The following FGF13 variants were observed in gnomAD, a reference collection of about 807,000 sequenced individuals.
FGF13 encodes the protein fibroblast growth factor homologous factor 2.
Under a neutral mutation model 19.5 loss-of-function variants are expected in FGF13, and 2 were observed. The observed-to-expected ratio is 0.10, with a 90% CI of 0.04 to 0.32. The LOEUF is 0.32. Among genes scored for constraint, FGF13 ranks in the 10% least tolerant of loss-of-function variants. FGF13 has a pLI of 1.00. For missense variants in FGF13, 113 were observed against 192.7 expected, an observed-to-expected ratio of 0.59 and a Z score of 2.45; for synonymous variants, 72 against 76.9, an observed-to-expected ratio of 0.94 and a Z score of 0.33.
chrX:138,772,370 T>A (rs1202065762), intron 3 of FGF13, among the ~76,000 whole-genome samples: 1 of 108,640 alleles, frequency 9.2e-6, no homozygotes, highest in African/African-American at 3.3e-5. Flanking sequence ...GACTGTTATG[T>A]GCTTATGTGT....
At chrX:138,769,673 A>G (rs2090531017) in intron 3 of FGF13, among the ~76,000 whole-genome samples, 1 of 111,975 alleles carries the variant, frequency 8.9e-6, no homozygotes, top group Admixed American at 9.5e-5. Flanking sequence ...GAAAGTGAAT[A>G]TTTTTCTGAT....
intron 1 of FGF13, among the ~76,000 whole-genome samples, chrX:139,035,442 T>C (rs1035633744): frequency 1.8e-5 from 2 of 111,677 alleles, no homozygotes; most frequent in African/African-American, 6.5e-5. Context: ...ATATCTAATA[T>C]GCAGCTATGG....
chrX:138,949,503 C>A (rs1205045934), intron 1 of FGF13, among the ~76,000 whole-genome samples: 2 of 111,298 alleles, frequency 1.8e-5, no homozygotes, highest in African/African-American at 6.5e-5. Context: ...CTTATATAAT[C>A]CAGTCATTGG....
intron 1 of FGF13, among the ~76,000 whole-genome samples, chrX:139,120,125 C>A (rs2083667430): frequency 8.9e-6 from 1 of 112,443 alleles, no homozygotes. Context: ...TAAGACATGC[C>A]TTGCTTCCCC....
At chrX:138,946,946 C>A (rs182224134) in intron 1 of FGF13, among the ~76,000 whole-genome samples, 225 of 112,231 alleles carry the variant, frequency 2.0e-3, no homozygotes, top group African/African-American at 7.0e-3. Flanking sequence ...TAGACCATTT[C>A]AGTACTGTAA....
At chrX:138,735,543 G>A (rs2090267896) in intron 1 of FGF13, among the ~76,000 whole-genome samples, 1 of 112,157 alleles carries the variant, frequency 8.9e-6, no homozygotes, top group South Asian at 3.7e-4. Flanking sequence ...GGCCATGCCA[G>A]TTATTCATGG....
intron 1 of FGF13, among the ~76,000 whole-genome samples, chrX:138,722,790 C>T (rs758507685): frequency 1.2e-4 from 13 of 111,497 alleles, no homozygotes; most frequent in Middle Eastern, 4.6e-3. Flanking sequence ...ACCTTTCCCA[C>T]TCTGTAGTTT....
rs1210359234 is a variant in FGF13, at chrX:138,623,313, T to G, written c.*9537A>C. ...GAATGGTATGAGAATAATGCTGGCT[T>G]CATAAAATGAGTTTGGAAGTGCTCC... is the stretch of plus-strand genomic sequence containing the variant. On this transcript the variant is annotated 3_prime_UTR_variant, in exon 5 of 5. Transcript: ENST00000315930. 9.0e-6 allele frequency: 1 copy of G among 111,578 alleles called. No individual in the cohort carries two copies. The highest frequency in any genetic ancestry group is 1.9e-5 in the Non-Finnish European group (1 of 53,154). The allele number at this position is 111,578 out of a possible 1,213,427, so 9.2% of individuals were successfully genotyped here.
chrX:138,953,443 G>A (rs1318864068), intron 1 of FGF13, among the ~76,000 whole-genome samples: 1 of 110,648 alleles, frequency 9.0e-6, no homozygotes, highest in Non-Finnish European at 1.9e-5. Flanking sequence ...TGGGTGGAGG[G>A]GGGAGGGATA....
intron 3 of FGF13, among the ~76,000 whole-genome samples, chrX:138,643,787 G>A (rs911228918): frequency 3.6e-5 from 4 of 111,636 alleles, no homozygotes; most frequent in African/African-American, 1.3e-4. Context: ...TGCTTATTAT[G>A]TGTATTAATT....
chrX:138,940,301 T>G lies in FGF13; in HGVS notation c.-112-75651A>C, dbSNP rs553154196. Among the ~76,000 whole-genome samples the G allele has an allele frequency of 2.7e-5, 3 of 112,040 alleles. No homozygotes were observed. In the East Asian group the frequency reaches 8.4e-4, roughly 32 times the overall value. ...TCATTTTGTTTTTCTTGTAAATTTG[T>G]TTAAGTTACTTATAGATTCTGGATA... is the stretch of plus-strand genomic sequence containing the variant. On this transcript the variant is annotated intron_variant, in intron 1 of 2. Transcript: ENST00000421460.
At chrX:138,807,453 T>C (rs929340888) in intron 3 of FGF13, among the ~76,000 whole-genome samples, 49 of 111,021 alleles carry the variant, frequency 4.4e-4, no homozygotes, top group African/African-American at 1.4e-3. Flanking sequence ...GCACTAAACA[T>C]GGAAAGGAAC....
intron 1 of FGF13, among the ~76,000 whole-genome samples, chrX:138,949,449 C>T (rs756573260): frequency 4.5e-5 from 5 of 111,473 alleles, no homozygotes; most frequent in Non-Finnish European, 9.4e-5. Context: ...GCCTTCTCAC[C>T]TGTGTGCCCG....
rs191997161 is a variant in FGF13, at chrX:138,618,771, G to A, written c.*14079C>T. Reference sequence around the variant, plus strand: ...AAACTTGAGCACTTCAGGGCACCACGTTAGAGAAAACAAATGGGAAACTCT... The same window carrying A: ...AAACTTGAGCACTTCAGGGCACCACATTAGAGAAAACAAATGGGAAACTCT... On this transcript the variant is annotated 3_prime_UTR_variant, in exon 5 of 5. Transcript: ENST00000315930. 6 of 111,776 alleles carry A rather than the reference G, an allele frequency of 5.4e-5. No individual in the cohort carries two copies. Among genetic ancestry groups the A allele is most frequent in the African/African-American group, 2.0e-4 (6 of 30,707 alleles). The allele number at this position is 111,776 out of a possible 1,213,427, so 9.2% of individuals were successfully genotyped here.
intron 1 of FGF13, among the ~76,000 whole-genome samples, chrX:138,890,543 T>A (rs2091471851): frequency 8.9e-6 from 1 of 111,941 alleles, no homozygotes; most frequent in Non-Finnish European, 1.9e-5. Context: ...AATTCACTTA[T>A]TCCCCATAAT....
chrX:138,635,695 G>A (rs1232900644), intron 3 of FGF13, 40 bp from the exon 4 acceptor site: 2 of 1,062,784 alleles, frequency 1.9e-6, no homozygotes, highest in African/African-American at 3.7e-5. Context: ...AGTGTTTATA[G>A]CTATGAATTT....
chrX:139,204,984 C>T (rs185138825), upstream of FGF13: 4,868 of 112,266 alleles, frequency 0.043, 116 homozygotes, highest in Middle Eastern at 0.083. Flanking sequence ...CCCTCGCTCG[C>T]GCTCTCCTTC....
chrX:138,827,840 A>C (rs1296743186), intron 3 of FGF13, among the ~76,000 whole-genome samples: 1 of 112,282 alleles, frequency 8.9e-6, no homozygotes, highest in Non-Finnish European at 1.9e-5. Context: ...TGTTATAGGC[A>C]CTATGCTTAA....
At chrX:139,192,309 T>G (rs2084337470) in intron 1 of FGF13, among the ~76,000 whole-genome samples, 1 of 111,483 alleles carries the variant, frequency 9.0e-6, no homozygotes, top group Non-Finnish European at 1.9e-5. Flanking sequence ...TGGAGCCTGC[T>G]CACCAGAAAA....
Sources: allele counts gnomAD v4.1 joint callset (sites outside exome capture counted in the v4.1 genomes callset), GRCh38; gene constraint gnomAD v4.1.1; transcripts MANE v1.5; gene names NCBI Gene and HGNC (gene_info 2026-07-23, HGNC 2026-07-21).